Variants in TMEM178B observed in about 807,000 individuals in gnomAD.
TMEM178B encodes transmembrane protein 178B.
TMEM178B carries 5 observed loss-of-function variants against 31.0 expected under a neutral mutation model. The ratio of observed to expected loss-of-function variants is 0.16; its 90% CI spans 0.08 to 0.34. TMEM178B has a LOEUF of 0.34. Ranked by LOEUF, TMEM178B falls within the 10% of genes least tolerant of loss-of-function variation. TMEM178B has a pLI of 1.00. For synonymous variants in TMEM178B, 164 were observed against 164.0 expected (o/e 1.00, Z 0.00); for missense variants, 275 against 400.3 (o/e 0.69, Z 2.67).
rs1421022479 is a variant in TMEM178B, at chr7:141,471,999, G to A, written c.*1213G>A. 3.9e-5 allele frequency: 6 copies of A among 152,364 alleles called. No individual in the cohort carries two copies. The South Asian group carries it at 1.0e-3, about 26-fold the overall frequency. The allele number at this position is 152,364 out of a possible 1,614,324, so 9.4% of individuals were successfully genotyped here. On this transcript the variant is annotated 3_prime_UTR_variant, in exon 4 of 4. Transcript: ENST00000565468. This position sits in a 1 kb window ranked among gnomAD's most constrained non-coding sequence, Gnocchi z 4.1. ...ACGATTTAGTCCTCTAATTTTGGAA[G>A]TTCAAGACACAGCTGGGCACATAAG... is the stretch of plus-strand genomic sequence containing the variant.
rs1563157420 is a variant in TMEM178B, at chr7:141,344,580, CT to C, written c.497-93026del. ...CCCTCCATTCCTCCCTCCTCCCTTC[CT>C]TCCTTCCTTCCTTCCTTCCTTCCTT... On this transcript the variant is annotated intron_variant, in intron 2 of 3. Transcript: ENST00000565468. The surrounding 1 kb of genome is among the most constrained non-coding windows in gnomAD (Gnocchi z 4.1). 3.5e-4 allele frequency among the ~76,000 whole-genome samples: 29 copies of C among 83,518 alleles called. No homozygotes were observed. Among genetic ancestry groups the C allele is most frequent in the African/African-American group, 5.0e-4 (8 of 16,068 alleles). The allele number at this position is 83,518 out of a possible 152,430, so 54.8% of individuals were successfully genotyped here.
chr7:141,455,637 C>T (rs962849350), intron 3 of TMEM178B, among the ~76,000 whole-genome samples: 3 of 152,230 alleles, frequency 2.0e-5, no homozygotes, highest in Non-Finnish European at 4.4e-5. Context: ...AACCTTACAA[C>T]GTTGCTTCGA....
intron 2 of TMEM178B, among the ~76,000 whole-genome samples, chr7:141,220,706 C>T (rs149649348): frequency 6.6e-6 from 1 of 152,298 alleles, no homozygotes; most frequent in African/African-American, 2.4e-5. Context: ...GGAAGTCTGG[C>T]CTGGAGGCAT....
chr7:141,239,546 C>A (rs920913296), intron 2 of TMEM178B, among the ~76,000 whole-genome samples: 4 of 152,146 alleles, frequency 2.6e-5, no homozygotes, highest in African/African-American at 9.7e-5. Flanking sequence ...AGGATTGATT[C>A]CCCGGGTGGA....
the TMEM178B span, among the ~76,000 whole-genome samples, chr7:141,497,738 GT>G: frequency 6.6e-6 from 1 of 152,154 alleles, no homozygotes; most frequent in Non-Finnish European, 1.5e-5. Context: ...ACCACTTTCT[GT>G]ATTCCCACTC....
At chr7:141,189,272 G>A (rs1176297770) in intron 1 of TMEM178B, among the ~76,000 whole-genome samples, 4 of 152,268 alleles carry the variant, frequency 2.6e-5, no homozygotes, top group Non-Finnish European at 5.9e-5. Context: ...GTGAAGCATT[G>A]AGTGAAGGCA....
intron 2 of TMEM178B, among the ~76,000 whole-genome samples, chr7:141,332,371 G>A (rs1452478352): frequency 6.6e-6 from 1 of 152,180 alleles, no homozygotes; most frequent in Admixed American, 6.5e-5. Flanking sequence ...AACATCATAT[G>A]GTTCATAGAT....
chr7:141,486,392 T>C, the TMEM178B span, among the ~76,000 whole-genome samples: 36 of 152,240 alleles, frequency 2.4e-4, no homozygotes, highest in Non-Finnish European at 4.6e-4. Flanking sequence ...TCCCACAAAT[T>C]TACACAAATT....
intron 1 of TMEM178B, among the ~76,000 whole-genome samples, chr7:141,154,695 C>G (rs1167248104): frequency 6.6e-6 from 1 of 150,690 alleles, no homozygotes; most frequent in Admixed American, 6.6e-5. Flanking sequence ...AGCCCTGGAG[C>G]TCTTAGTCCC....
chr7:141,324,384 T>C (rs1047407507), intron 2 of TMEM178B, among the ~76,000 whole-genome samples: 3 of 145,772 alleles, frequency 2.1e-5, no homozygotes, highest in Non-Finnish European at 4.5e-5. Flanking sequence ...ACAGATTGGA[T>C]GTGGAGTGTG....
chr7:141,436,951 G>A (rs1801556027), intron 2 of TMEM178B, among the ~76,000 whole-genome samples: 1 of 152,142 alleles, frequency 6.6e-6, no homozygotes, highest in African/African-American at 2.4e-5. Context: ...GGAGCTTAGA[G>A]GAGAGCAGGA....
chr7:141,279,038 T>A (rs1324612397), intron 2 of TMEM178B, among the ~76,000 whole-genome samples: 2 of 152,170 alleles, frequency 1.3e-5, no homozygotes, highest in African/African-American at 4.8e-5. Context: ...TTATGTAACC[T>A]CAAAATGTCT....
chr7:141,444,115 C>G (rs1801710410), intron 3 of TMEM178B, among the ~76,000 whole-genome samples: 1 of 152,160 alleles, frequency 6.6e-6, no homozygotes, highest in Non-Finnish European at 1.5e-5. Context: ...TCAAGGAGCT[C>G]TGTTTCCTTT....
At chr7:141,109,802 G>A (rs1015101432) in intron 1 of TMEM178B, among the ~76,000 whole-genome samples, 2 of 152,172 alleles carry the variant, frequency 1.3e-5, no homozygotes, top group Non-Finnish European at 2.9e-5. Context: ...TGGGCTGGAT[G>A]TGGAGGATCA....
intron 2 of TMEM178B, among the ~76,000 whole-genome samples, chr7:141,222,133 G>A (rs1177667350): frequency 1.3e-5 from 2 of 152,172 alleles, no homozygotes; most frequent in Admixed American, 6.5e-5. Flanking sequence ...AGCAGGACCT[G>A]TATTTGTGTG....
intron 2 of TMEM178B, among the ~76,000 whole-genome samples, chr7:141,410,900 T>C (rs1027147894): frequency 2.6e-5 from 4 of 152,202 alleles, no homozygotes; most frequent in South Asian, 2.1e-4. Flanking sequence ...GAAATTCCGA[T>C]GCATGCTACA....
intron 2 of TMEM178B, among the ~76,000 whole-genome samples, chr7:141,269,587 T>A (rs1338820355): frequency 6.6e-6 from 1 of 152,218 alleles, no homozygotes; most frequent in Non-Finnish European, 1.5e-5. Context: ...AAGCTTATAT[T>A]TTTTATTTTT....
the TMEM178B span, among the ~76,000 whole-genome samples, chr7:141,490,377 G>A: frequency 2.6e-5 from 4 of 152,194 alleles, no homozygotes; most frequent in African/African-American, 7.2e-5. Flanking sequence ...AGGAAATTTG[G>A]ACACAGAGAC....
intron 1 of TMEM178B, among the ~76,000 whole-genome samples, chr7:141,141,857 G>A (rs1795774494): frequency 6.6e-6 from 1 of 152,178 alleles, no homozygotes. Flanking sequence ...TTCCATTTAT[G>A]TATACAGTAC....
Sources: gnomAD v4.1 joint callset for allele counts (sites outside exome capture counted in the v4.1 genomes callset) on GRCh38, gnomAD v4.1.1 for gene constraint, Gnocchi (gnomAD v3.1) non-coding constraint, MANE v1.5 for transcripts, NCBI Gene and HGNC (gene_info 2026-07-23, HGNC 2026-07-21) for gene names.